COL5A2: variants seen among roughly 807,000 people sequenced by gnomAD.
The protein encoded by COL5A2 is collagen type V alpha 2 chain.
In COL5A2, 23 loss-of-function variants were observed where a neutral mutation model predicts 208.2. The ratio of observed to expected loss-of-function variants is 0.11; its 90% CI spans 0.08 to 0.16. COL5A2 has a LOEUF of 0.16. COL5A2 is among the 10% of genes least tolerant of loss of function. COL5A2 has a pLI of 1.00. For missense variants in COL5A2, 1,590 were observed against 1,956.4 expected, an observed-to-expected ratio of 0.81 and a Z score of 3.53; for synonymous variants, 625 against 628.5, an observed-to-expected ratio of 0.99 and a Z score of 0.08.
intron 1 of COL5A2, among the ~76,000 whole-genome samples, chr2:189,145,120 C>T (rs1301305168): frequency 6.6e-6 from 1 of 152,090 alleles, no homozygotes; most frequent in Non-Finnish European, 1.5e-5. Flanking sequence ...ATGAGTGTTT[C>T]CATGTTTGTA....
At chr2:189,150,795 A>G (rs866970270) in intron 1 of COL5A2, among the ~76,000 whole-genome samples, 29 of 152,180 alleles carry the variant, frequency 1.9e-4, no homozygotes, top group African/African-American at 6.8e-4. Context: ...AGAAGAGAAC[A>G]AGAAGCTATT....
chr2:189,211,792 A>G (rs1001682868), intron 1 of COL5A2, among the ~76,000 whole-genome samples: 1 of 152,212 alleles, frequency 6.6e-6, no homozygotes, highest in African/African-American at 2.4e-5. Context: ...GCTCTAGCAG[A>G]AACCCTACAT....
intron 1 of COL5A2, among the ~76,000 whole-genome samples, chr2:189,209,716 T>C (rs1370232828): frequency 6.6e-6 from 1 of 152,180 alleles, no homozygotes; most frequent in African/African-American, 2.4e-5. Context: ...AGTCAGAAAA[T>C]CTTACAGACT....
At chr2:189,170,322 T>C (rs1399878833) in intron 1 of COL5A2, among the ~76,000 whole-genome samples, 1 of 152,230 alleles carries the variant, frequency 6.6e-6, no homozygotes, top group Non-Finnish European at 1.5e-5. Context: ...AATTGGCATT[T>C]ATGCATGGGT....
chr2:189,222,586 G>A (rs1444178545), intron 1 of COL5A2, among the ~76,000 whole-genome samples: 1 of 152,112 alleles, frequency 6.6e-6, no homozygotes, highest in Non-Finnish European at 1.5e-5. Context: ...ACTAGCAAAT[G>A]CCAGAACAGA....
chr2:189,246,111 CAT>C, the COL5A2 span, among the ~76,000 whole-genome samples: 3 of 152,016 alleles, frequency 2.0e-5, no homozygotes, highest in Non-Finnish European at 4.4e-5. Flanking sequence ...TGAAAAAAAA[CAT>C]ATATTTCAAC....
the COL5A2 span, among the ~76,000 whole-genome samples, chr2:189,419,713 C>T: frequency 1.8e-4 from 28 of 151,836 alleles, 1 homozygote; most frequent in Admixed American, 1.8e-3. Context: ...GGAGGATCGC[C>T]TGACCCCAGG....
At chr2:189,411,403 A>G in the COL5A2 span, among the ~76,000 whole-genome samples, 11 of 152,178 alleles carry the variant, frequency 7.2e-5, no homozygotes, top group African/African-American at 1.9e-4. Flanking sequence ...ATCTCAACAA[A>G]TATCTTTTAA....
At chr2:189,349,163 T>TA in the COL5A2 span, among the ~76,000 whole-genome samples, 15 of 152,248 alleles carry the variant, frequency 9.9e-5, no homozygotes, top group South Asian at 8.3e-4. Flanking sequence ...GTCAGATGAT[T>TA]CCTTAATACA....
the COL5A2 span, among the ~76,000 whole-genome samples, chr2:189,408,431 C>G: frequency 1.2e-4 from 18 of 152,076 alleles, no homozygotes; most frequent in Non-Finnish European, 2.1e-4. Context: ...ATAGAGTTGC[C>G]ATACTACATT....
the COL5A2 span, among the ~76,000 whole-genome samples, chr2:189,292,950 T>C: frequency 6.6e-6 from 1 of 152,164 alleles, no homozygotes; most frequent in East Asian, 1.9e-4. Flanking sequence ...TCATGTCCTT[T>C]GTAGGGACAT....
the COL5A2 span, among the ~76,000 whole-genome samples, chr2:189,387,249 G>A: frequency 1.3e-5 from 2 of 152,136 alleles, no homozygotes; most frequent in Non-Finnish European, 2.9e-5. Context: ...TCATTTACAA[G>A]TGGAAGGTAA....
intron 3 of COL5A2, 41 bp downstream of exon 3, chr2:189,104,223 A>G (rs190851371): frequency 1.5e-5 from 21 of 1,423,138 alleles, no homozygotes; most frequent in Non-Finnish European, 2.0e-5. Flanking sequence ...ATTGGATATA[A>G]GTCTGCTTAT....
At chr2:189,218,590 G>A (rs1689307652) in intron 1 of COL5A2, among the ~76,000 whole-genome samples, 1 of 152,142 alleles carries the variant, frequency 6.6e-6, no homozygotes, top group African/African-American at 2.4e-5. Context: ...GAAACACCCA[G>A]CACCCAGGGC....
intron 21 of COL5A2, among the ~76,000 whole-genome samples, chr2:189,067,408 G>C (rs1464327008): frequency 6.6e-6 from 1 of 152,056 alleles, no homozygotes; most frequent in East Asian, 1.9e-4. Context: ...GAATTTATCA[G>C]CATGACCACA....
At chr2:189,365,388 A>G in the COL5A2 span, among the ~76,000 whole-genome samples, 1 of 152,218 alleles carries the variant, frequency 6.6e-6, no homozygotes, top group Admixed American at 6.5e-5. Context: ...TCCAAAAACA[A>G]TGAACTCAGT....
chr2:189,079,966 T>C lies in COL5A2; in HGVS notation c.960+12A>G. Reference sequence around the variant, plus strand: ...CCAAAGTGAGGTTACAGTGAGATAATTATAAGATTACCTTGGAACCAGGTG... The same window carrying C: ...CCAAAGTGAGGTTACAGTGAGATAACTATAAGATTACCTTGGAACCAGGTG... On this transcript the variant is annotated intron_variant, in intron 14 of 53. Transcript: ENST00000374866. 6.2e-7 allele frequency: 1 copy of C among 1,609,376 alleles called. No individual in the cohort carries two copies. The highest frequency in any genetic ancestry group is 8.5e-7 in the Non-Finnish European group (1 of 1,175,848).
chr2:189,430,646 T>C, the COL5A2 span, among the ~76,000 whole-genome samples: 1 of 151,958 alleles, frequency 6.6e-6, no homozygotes, highest in Non-Finnish European at 1.5e-5. Context: ...GCATCCTCCA[T>C]TGCTGAGGCT....
the COL5A2 span, among the ~76,000 whole-genome samples, chr2:189,369,912 T>C: frequency 6.6e-6 from 1 of 152,228 alleles, no homozygotes; most frequent in Non-Finnish European, 1.5e-5. Context: ...TTAAAGACCA[T>C]AAACCTCATG....
Sources: gnomAD v4.1 joint callset for allele counts (sites outside exome capture counted in the v4.1 genomes callset) on GRCh38, gnomAD v4.1.1 for gene constraint, MANE v1.5 for transcripts, NCBI Gene and HGNC (gene_info 2026-07-23, HGNC 2026-07-21) for gene names.